CACNA1C: variants seen among roughly 807,000 people sequenced by gnomAD.
CACNA1C encodes voltage-dependent L-type calcium channel subunit alpha-1C.
Under a neutral mutation model 229.0 loss-of-function variants are expected in CACNA1C, and 30 were observed. The observed-to-expected ratio is 0.13, with a 90% CI of 0.10 to 0.18. CACNA1C has a LOEUF of 0.18. Ranked by LOEUF, CACNA1C falls within the 10% of genes least tolerant of loss-of-function variation. The pLI, the probability that CACNA1C is intolerant of heterozygous loss-of-function variation, is 1.00. For missense variants in CACNA1C, 1,658 were observed against 2,845.0 expected, an observed-to-expected ratio of 0.58 and a Z score of 9.49; for synonymous variants, 1,114 against 1,132.5, an observed-to-expected ratio of 0.98 and a Z score of 0.33.
intron 3 of CACNA1C, among the ~76,000 whole-genome samples, chr12:2,204,524 C>A (rs1566371450): frequency 6.6e-6 from 1 of 150,908 alleles, no homozygotes; most frequent in Non-Finnish European, 1.5e-5. Context: ...TTCACAATAG[C>A]AAAGACTTGG....
At chr12:2,302,671 G>A (rs1029945852) in intron 3 of CACNA1C, among the ~76,000 whole-genome samples, 2 of 152,120 alleles carry the variant, frequency 1.3e-5, no homozygotes, top group African/African-American at 4.8e-5. Context: ...CCTTAGAGGG[G>A]TTTAAATACA....
intron 3 of CACNA1C, among the ~76,000 whole-genome samples, chr12:2,123,623 A>T (rs975115582): frequency 9.2e-5 from 14 of 152,140 alleles, no homozygotes; most frequent in Admixed American, 9.2e-4. Flanking sequence ...AACATAGCCC[A>T]GGTGAATGCT....
At chr12:2,306,606 C>T (rs1272218000) in intron 3 of CACNA1C, among the ~76,000 whole-genome samples, 1 of 152,238 alleles carries the variant, frequency 6.6e-6, no homozygotes, top group African/African-American at 2.4e-5. Context: ...CCAAACTCTG[C>T]ACACTCTTCA....
intron 19 of CACNA1C, among the ~76,000 whole-genome samples, chr12:2,594,836 C>T (rs547756811): frequency 4.6e-5 from 7 of 152,162 alleles, no homozygotes; most frequent in Non-Finnish European, 2.9e-5. Context: ...TTCCAGATGC[C>T]CCTTGGAGGT....
Position 2,691,280 on chromosome 12 carries a change from C to A in CACNA1C, c.*81C>A. 2 of 1,330,226 alleles carry A rather than the reference C, an allele frequency of 1.5e-6. No homozygotes were observed. Among genetic ancestry groups the A allele is most frequent in the South Asian group, 1.8e-5 (1 of 56,882 alleles). The allele number at this position is 1,330,226 out of a possible 1,614,324, so 82.4% of individuals were successfully genotyped here. On this transcript the variant is annotated 3_prime_UTR_variant, in exon 47 of 47. Transcript: ENST00000399655. ...CGTTTCAGAAGTGCCTCACTGTTCTCGTGACCTGGAGTTAACCGGAACAGC... is the reference window on the plus strand; with the variant it reads ...CGTTTCAGAAGTGCCTCACTGTTCTAGTGACCTGGAGTTAACCGGAACAGC...
At chr12:2,014,218 A>G (rs1714210250) in intron 1 of CACNA1C, among the ~76,000 whole-genome samples, 1 of 152,084 alleles carries the variant, frequency 6.6e-6, no homozygotes, top group African/African-American at 2.4e-5. Flanking sequence ...GTTCGCTTTT[A>G]TTAAAAATTA....
chr12:2,532,418 C>A (rs959356178), intron 9 of CACNA1C, among the ~76,000 whole-genome samples: 1 of 152,178 alleles, frequency 6.6e-6, no homozygotes, highest in Non-Finnish European at 1.5e-5. Context: ...CAAGAAGGCC[C>A]GCTCCCCCAC....
chr12:2,572,872 CTTCTTCTT>C (rs2056770986), intron 13 of CACNA1C, among the ~76,000 whole-genome samples: 1 of 116,008 alleles, frequency 8.6e-6, no homozygotes. Flanking sequence ...TCCTCCTTCT[CTTCTTCTT>C]CTCCTCTCCT....
intron 1 of CACNA1C, among the ~76,000 whole-genome samples, chr12:2,041,267 A>ATTTTTT (rs2050023838): frequency 4.0e-5 from 4 of 99,372 alleles, no homozygotes; most frequent in African/African-American, 2.0e-4. Context: ...TGCTAAGGGT[A>ATTTTTT]TTCTTTTTTT....
upstream of CACNA1C, among the ~76,000 whole-genome samples, chr12:2,050,222 G>A (rs1468175411): frequency 6.6e-6 from 1 of 152,186 alleles, no homozygotes; most frequent in Non-Finnish European, 1.5e-5. Flanking sequence ...AGAAGAATGA[G>A]TAAGATAATA....
intron 3 of CACNA1C, among the ~76,000 whole-genome samples, chr12:2,380,742 C>T (rs535898346): frequency 9.8e-4 from 150 of 152,344 alleles, no homozygotes; most frequent in Admixed American, 2.2e-3. Flanking sequence ...TAATTAACTT[C>T]CCCATGCCTG....
At chr12:2,358,588 T>C (rs914598125) in intron 3 of CACNA1C, among the ~76,000 whole-genome samples, 3 of 152,078 alleles carry the variant, frequency 2.0e-5, no homozygotes, top group Non-Finnish European at 4.4e-5. Flanking sequence ...ACAAAAATTA[T>C]CATATAAGAA....
chr12:2,155,019 CG>C (rs1458133266), intron 3 of CACNA1C, among the ~76,000 whole-genome samples: 2 of 152,144 alleles, frequency 1.3e-5, no homozygotes, highest in African/African-American at 4.8e-5. Context: ...GTTGAGTTAT[CG>C]GGAGATGAAA....
chr12:2,200,297 T>A (rs2154317246), intron 3 of CACNA1C, among the ~76,000 whole-genome samples: 1 of 152,306 alleles, frequency 6.6e-6, no homozygotes, highest in East Asian at 1.9e-4. Context: ...TTCAGCAGAC[T>A]CTTGAGGAGT....
At position 2,536,952 on chromosome 12, in the gene CACNA1C, G is replaced by C. The variant is rs2099857190; in HGVS notation, c.1391-12991G>C. Among the ~76,000 whole-genome samples the C allele has an allele frequency of 3.3e-5, 5 of 152,240 alleles. No individual in the cohort carries two copies. In the South Asian group the frequency reaches 1.0e-3, roughly 32 times the overall value. On this transcript the variant is annotated intron_variant, in intron 9 of 46. Transcript: ENST00000399655. ...ACTGGGGAAACCGAGCCACAGAAGA[G>C]TGAGGTCACATAGCTCCAAGTGGCA...
At chr12:2,068,941 GA>G (rs2060304636) in intron 1 of CACNA1C, among the ~76,000 whole-genome samples, 1 of 152,270 alleles carries the variant, frequency 6.6e-6, no homozygotes, top group Non-Finnish European at 1.5e-5. Context: ...GTTGGGGAAT[GA>G]ACTCAGAGTC....
rs576403617 is a variant in CACNA1C, at chr12:2,617,362, A to G, written c.3828+5349A>G. Among the ~76,000 whole-genome samples the G allele has an allele frequency of 5.9e-5, 9 of 152,318 alleles. No individual in the cohort carries two copies. In the South Asian group the frequency reaches 1.9e-3, roughly 32 times the overall value. On this transcript the variant is annotated intron_variant, in intron 29 of 46. Transcript: ENST00000399655. ...CCTTGCCCCGGTCTCACTGACACAT[A>G]TGCCAGCTAAGCTATAGGGAGGGCC... is the stretch of plus-strand genomic sequence containing the variant.
intron 3 of CACNA1C, among the ~76,000 whole-genome samples, chr12:2,427,237 G>A (rs1268796109): frequency 2.0e-5 from 3 of 152,168 alleles, no homozygotes; most frequent in Non-Finnish European, 4.4e-5. Flanking sequence ...AAACAGGAAG[G>A]GTGCATTGTG....
chr12:1,985,033 AT>A, intron 1 of CACNA1C, among the ~76,000 whole-genome samples: 3 of 151,470 alleles, frequency 2.0e-5, no homozygotes, highest in Admixed American at 2.0e-4. Context: ...TGCTTTCAAG[AT>A]TAAAAAAAAA....
Sources: gnomAD v4.1 joint callset for allele counts (sites outside exome capture counted in the v4.1 genomes callset) on GRCh38, gnomAD v4.1.1 for gene constraint, MANE v1.5 for transcripts, NCBI Gene and HGNC (gene_info 2026-07-23, HGNC 2026-07-21) for gene names.